The following TEX2 variants were observed in gnomAD, a reference collection of about 807,000 sequenced individuals.
TEX2 encodes the protein testis-expressed protein 2.
Under a neutral mutation model 106.9 loss-of-function variants are expected in TEX2, and 53 were observed. The ratio of observed to expected loss-of-function variants is 0.50; its 90% CI spans 0.40 to 0.62. The LOEUF (loss-of-function observed/expected upper bound fraction) is 0.62. Ranked by LOEUF, TEX2 falls within the 20% of genes least tolerant of loss-of-function variation. The probability of loss-of-function intolerance (pLI) is 0.00; values close to 1 mark genes in which losing one functional copy is unlikely to be tolerated. For missense variants in TEX2, 1,207 were observed against 1,379.0 expected (o/e 0.88, Z 1.98); for synonymous variants, 523 against 534.8 (o/e 0.98, Z 0.30).
intron 1 of TEX2, among the ~76,000 whole-genome samples, chr17:64,233,745 C>T (rs1162507947): frequency 6.6e-6 from 1 of 152,164 alleles, no homozygotes; most frequent in Non-Finnish European, 1.5e-5. Flanking sequence ...TTCTAACAGG[C>T]TATTGCTGTG....
intron 7 of TEX2, among the ~76,000 whole-genome samples, chr17:64,169,036 T>TTTTC (rs1439220463): frequency 6.6e-6 from 1 of 151,752 alleles, no homozygotes; most frequent in Admixed American, 6.6e-5. Context: ...AGCTCTGTTA[T>TTTTC]TTTCTTTCTT....
chr17:64,240,200 T>C (rs1309985343), intron 1 of TEX2, among the ~76,000 whole-genome samples: 2 of 151,896 alleles, frequency 1.3e-5, no homozygotes, highest in African/African-American at 2.4e-5. Flanking sequence ...GATCTTTATA[T>C]ATACAGATGT....
rs2031242558 is a variant in TEX2, at chr17:64,168,500, A to G, written c.2671+2600T>C. On this transcript the variant is annotated intron_variant, in intron 7 of 11. Transcript: ENST00000584379. Reference sequence around the variant, plus strand: ...AATATCTCACCATAGCTCCTGCTCTAGAAGAACAGTTAAGAAGCTTGACAC... The same window carrying G: ...AATATCTCACCATAGCTCCTGCTCTGGAAGAACAGTTAAGAAGCTTGACAC... 2.0e-5 allele frequency among the ~76,000 whole-genome samples: 3 copies of G among 152,204 alleles called. No individual in the cohort carries two copies. In the South Asian group the frequency reaches 6.2e-4, roughly 31 times the overall value.
rs760701008 is a variant in TEX2 at position 64,193,757 on chromosome 17, G to A, written c.1978C>T (p.Pro660Ser). The change falls in exon 4 of 12, where the codon CCG becomes TCG. Residue 660 changes from proline (P) to serine (S), a missense_variant. By Grantham distance (74) the Pro-to-Ser change is moderately conservative (BLOSUM62 -1). Transcript: ENST00000584379. ...GGGTCCTCACTTCCCTCAGCTGGCG[G>A]CTTCTCTTCTGAAGTCTCCTTATCA... ...QTDKETSEEK[P>S]PAEGSEDPKK... The A allele has an allele frequency of 4.3e-6, 7 of 1,613,686 alleles. No individual in the cohort carries two copies. The highest frequency in any genetic ancestry group is 5.9e-6 in the Non-Finnish European group (7 of 1,179,766).
At chr17:64,194,836 C>T in intron 3 of TEX2, 59 bp downstream of exon 3, 2 of 1,543,914 alleles carry the variant, frequency 1.3e-6, no homozygotes. Flanking sequence ...GTTAAGCATC[C>T]AAGATGCCAT....
chr17:64,170,756 C>G (rs982706207), intron 7 of TEX2, among the ~76,000 whole-genome samples: 5 of 151,000 alleles, frequency 3.3e-5, no homozygotes, highest in African/African-American at 1.2e-4. Flanking sequence ...CCTCAGCCTC[C>G]TGAGTAGCTG....
intron 7 of TEX2, among the ~76,000 whole-genome samples, chr17:64,165,989 T>C (rs1448543947): frequency 2.6e-5 from 4 of 152,182 alleles, no homozygotes; most frequent in Non-Finnish European, 4.4e-5. Context: ...TAAATTCATG[T>C]TGCAAACATC....
At chr17:64,242,018 G>A (rs2033898010) in intron 1 of TEX2, among the ~76,000 whole-genome samples, 1 of 152,202 alleles carries the variant, frequency 6.6e-6, no homozygotes, top group African/African-American at 2.4e-5. Context: ...GTATGTGGCA[G>A]AAAGTTAGGT....
intron 9 of TEX2, 92 bp downstream of exon 9, chr17:64,154,750 A>G (rs985239200): frequency 7.3e-7 from 1 of 1,374,384 alleles, no homozygotes; most frequent in African/African-American, 1.5e-5. Flanking sequence ...AGGAAGGAAG[A>G]TCACAGAGGA....
chr17:64,252,881 TG>T (rs1179761546), intron 1 of TEX2, among the ~76,000 whole-genome samples: 7 of 150,436 alleles, frequency 4.7e-5, no homozygotes, highest in African/African-American at 1.2e-4. Flanking sequence ...AAAATGGGGG[TG>T]GGGGTGAGGT....
chr17:64,254,400 G>A (rs2034148053), intron 1 of TEX2, among the ~76,000 whole-genome samples: 1 of 152,272 alleles, frequency 6.6e-6, no homozygotes. Flanking sequence ...CACCAGGAAT[G>A]GTGGTTTAAT....
At chr17:64,192,450 G>A (rs1296293826) in intron 4 of TEX2, among the ~76,000 whole-genome samples, 4 of 152,292 alleles carry the variant, frequency 2.6e-5, no homozygotes, top group South Asian at 2.1e-4. Flanking sequence ...CTGCAAACAC[G>A]CAAGGAAGGA....
At chr17:64,168,088 G>A (rs1178423600) in intron 7 of TEX2, among the ~76,000 whole-genome samples, 1 of 152,070 alleles carries the variant, frequency 6.6e-6, no homozygotes, top group Non-Finnish European at 1.5e-5. Flanking sequence ...AGGAGGTGGC[G>A]CTCCTTAGAG....
intron 5 of TEX2, among the ~76,000 whole-genome samples, chr17:64,179,373 A>G (rs1367980794): frequency 1.3e-5 from 2 of 152,236 alleles, no homozygotes; most frequent in Non-Finnish European, 2.9e-5. Flanking sequence ...ACAAAAACAG[A>G]ACATGGGAAG....
At position 64,212,539 on chromosome 17, in the gene TEX2, T is replaced by C. The variant is rs113946289; in HGVS notation, c.1644+35A>G. ...CTAAAATACGGCTGTATGTGAGAAG[T>C]GTGTGTACTAGCCAGCTCCCGGGGA... On this transcript the variant is annotated intron_variant, in intron 2 of 11. Transcript: ENST00000584379. The C allele has an allele frequency of 4.9e-3, 7,548 of 1,547,592 alleles. 312 individuals carry two copies. In the African/African-American group the frequency reaches 0.091, roughly 19 times the overall value.
At chr17:64,211,595 C>G (rs2143051446) in intron 2 of TEX2, among the ~76,000 whole-genome samples, 1 of 152,062 alleles carries the variant, frequency 6.6e-6, no homozygotes, top group African/African-American at 2.4e-5. Flanking sequence ...TATAAGTAAT[C>G]TAGAGATGAT....
At position 64,168,797 on chromosome 17, in the gene TEX2, CA is replaced by C. The variant is rs138031243; in HGVS notation, c.2671+2302del. Among the ~76,000 whole-genome samples the C allele has an allele frequency of 1.6e-3, 249 of 151,348 alleles. 6 individuals are homozygous for C. In the East Asian group the frequency reaches 0.036, roughly 22 times the overall value. ...TATACATTTCTAAAGAGGCAAAGAGCAAAAAGGAATAGAGAGGCCACCTGAG... is the reference window on the plus strand; with the variant it reads ...TATACATTTCTAAAGAGGCAAAGAGCAAAAGGAATAGAGAGGCCACCTGAG... On this transcript the variant is annotated intron_variant, in intron 7 of 11. Coordinates refer to ENST00000584379, the MANE Select transcript of TEX2 (RefSeq NM_001288732.2).
chr17:64,254,874 T>C (rs2034155981), intron 1 of TEX2, among the ~76,000 whole-genome samples: 1 of 152,124 alleles, frequency 6.6e-6, no homozygotes, highest in South Asian at 2.1e-4. Flanking sequence ...GTTTGTTTGA[T>C]TTTTAGATAC....
intron 7 of TEX2, among the ~76,000 whole-genome samples, chr17:64,163,661 G>A (rs1181547349): frequency 1.3e-5 from 2 of 152,156 alleles, no homozygotes; most frequent in African/African-American, 4.8e-5. Flanking sequence ...AAGACCAACC[G>A]GTTACGTGAC....
Sources: gnomAD v4.1 joint callset for allele counts (sites outside exome capture counted in the v4.1 genomes callset) on GRCh38, gnomAD v4.1.1 for gene constraint, MANE v1.5 for transcripts, NCBI Gene and HGNC (gene_info 2026-07-23, HGNC 2026-07-21) for gene names.